The following CACNA1E variants were observed in gnomAD, a reference collection of about 807,000 sequenced individuals.
CACNA1E encodes the protein voltage-dependent R-type calcium channel subunit alpha-1E.
A neutral mutation model predicts 259.2 loss-of-function variants in CACNA1E; 40 were observed. The observed-to-expected ratio is 0.15, with a 90% CI of 0.12 to 0.20. The LOEUF (loss-of-function observed/expected upper bound fraction) is 0.20. CACNA1E is among the 10% of genes least tolerant of loss of function. The pLI is 1.00. For missense variants in CACNA1E, 1,874 were observed against 3,040.1 expected (o/e 0.62, Z 9.02); for synonymous variants, 1,104 against 1,138.5 (o/e 0.97, Z 0.61).
At chr1:181,735,005 T>A (rs1282605473) in intron 21 of CACNA1E, among the ~76,000 whole-genome samples, 5 of 152,242 alleles carry the variant, frequency 3.3e-5, no homozygotes, top group African/African-American at 1.2e-4. Context: ...ATTCCAGCCT[T>A]GCTGTTTTCC....
intron 1 of CACNA1E, among the ~76,000 whole-genome samples, chr1:181,502,775 C>T (rs930429211): frequency 6.6e-6 from 1 of 152,078 alleles, no homozygotes; most frequent in Non-Finnish European, 1.5e-5. Context: ...CTCGGCTCAC[C>T]ACAACCTCCA....
intron 3 of CACNA1E, among the ~76,000 whole-genome samples, chr1:181,522,842 C>T (rs568685518): frequency 3.7e-4 from 57 of 152,292 alleles, no homozygotes; most frequent in Admixed American, 1.1e-3. Flanking sequence ...ATGCTCACCC[C>T]GGTCTTTTCT....
At chr1:181,488,162 T>C (rs983231297) in intron 1 of CACNA1E, among the ~76,000 whole-genome samples, 1 of 152,246 alleles carries the variant, frequency 6.6e-6, no homozygotes, top group Admixed American at 6.5e-5. Context: ...AAAGTTTTAG[T>C]TCTTAAATCT....
At chr1:181,393,343 G>C (rs746297571) in intron 1 of CACNA1E, among the ~76,000 whole-genome samples, 1 of 152,196 alleles carries the variant, frequency 6.6e-6, no homozygotes, top group Non-Finnish European at 1.5e-5. Flanking sequence ...AAGGATTCAA[G>C]AATGTCTAGC....
At chr1:181,409,352 T>C (rs1657684749) in intron 1 of CACNA1E, among the ~76,000 whole-genome samples, 1 of 152,212 alleles carries the variant, frequency 6.6e-6, no homozygotes, top group South Asian at 2.1e-4. Flanking sequence ...AAGTAACATA[T>C]ATCACTTCCA....
intron 1 of CACNA1E, among the ~76,000 whole-genome samples, chr1:181,378,787 G>A (rs938273642): frequency 1.2e-4 from 19 of 152,178 alleles, no homozygotes; most frequent in African/African-American, 3.9e-4. Context: ...TCAGTAGTGG[G>A]GAAAAACTAT....
In CACNA1E at chr1:181,720,381, A is replaced by G. The variant is rs768854440; in HGVS notation, c.1883+44A>G. The G allele has an allele frequency of 7.5e-6, 12 of 1,591,846 alleles. No homozygotes were observed. In the Admixed American group the frequency reaches 8.8e-5, roughly 12 times the overall value. ...TCCATCCAAAGGAGGCTCAAAACCC[A>G]GTCGTAGCCTGTGTTGGGCTAGGGT... On this transcript the variant is annotated intron_variant, in intron 14 of 47. Transcript: ENST00000367573.
In CACNA1E at chr1:181,577,835, C is replaced by A; in HGVS notation, c.582C>A (p.Val194=). 3 of 1,611,768 alleles carry A rather than the reference C, an allele frequency of 1.9e-6. No homozygotes were observed. The highest frequency in any genetic ancestry group is 2.5e-6 in the Non-Finnish European group (3 of 1,178,978). The change falls in exon 4 of 48, where the codon GTC becomes GTA. Residue 194 remains valine, a synonymous_variant. Transcript: ENST00000367573. ...TGAGGACCCTCCGGGCTGTGCGTGTCCTGCGGCCTTTGAAGCTCGTGTCAG... is the reference window on the plus strand; with the variant it reads ...TGAGGACCCTCCGGGCTGTGCGTGTACTGCGGCCTTTGAAGCTCGTGTCAG... ...VDLRTLRAVR[V]LRPLKLVSGI...
intron 6 of CACNA1E, among the ~76,000 whole-genome samples, chr1:181,591,469 T>G (rs1652637812): frequency 6.6e-6 from 1 of 152,186 alleles, no homozygotes; most frequent in Non-Finnish European, 1.5e-5. Context: ...AAGACTGCAA[T>G]AGTCATCTAT....
intron 45 of CACNA1E, 95 bp from the exon 46 acceptor site, chr1:181,794,769 C>T (rs1661639858): frequency 1.7e-6 from 2 of 1,148,810 alleles, no homozygotes; most frequent in African/African-American, 1.6e-5. Flanking sequence ...TACAATTTGC[C>T]TTCCTTAACG....
At chr1:181,528,040 T>C (rs1667490950) in intron 3 of CACNA1E, among the ~76,000 whole-genome samples, 1 of 152,140 alleles carries the variant, frequency 6.6e-6, no homozygotes, top group Non-Finnish European at 1.5e-5. Flanking sequence ...TCTGTTTCAT[T>C]TTACTCCCCA....
intron 1 of CACNA1E, among the ~76,000 whole-genome samples, chr1:181,339,353 A>G (rs1255390799): frequency 6.6e-6 from 1 of 152,026 alleles, no homozygotes; most frequent in Non-Finnish European, 1.5e-5. Flanking sequence ...AATGTTATAT[A>G]GTTTTTAGTG....
intron 18 of CACNA1E, among the ~76,000 whole-genome samples, chr1:181,730,059 C>T (rs1655321911): frequency 6.6e-6 from 1 of 152,334 alleles, no homozygotes; most frequent in African/African-American, 2.4e-5. Context: ...TGGGTGGCCA[C>T]ACACATGTGC....
rs1009207573 is a variant in CACNA1E at position 181,732,995 on chromosome 1, A to G, written c.2909A>G (p.Glu970Gly). 6.2e-7 allele frequency: 1 copy of G among 1,612,094 alleles called. No homozygotes were observed. The highest frequency in any genetic ancestry group is 8.5e-7 in the Non-Finnish European group (1 of 1,179,048). Reference sequence around the variant, plus strand: ...CTCAGGGGCAACCATGGTGCCAAGGAGCCAACGATCCAAGAAGAGAGAGCC... The same window carrying G: ...CTCAGGGGCAACCATGGTGCCAAGGGGCCAACGATCCAAGAAGAGAGAGCC... ...HELRGNHGAK[E>G]PTIQEERAQD... Residue 970 changes from glutamate (E) to glycine (G), a missense_variant, in exon 20 of 48, where the codon GAG (glutamate) becomes GGG (glycine). This residue lies in a region of CACNA1E where 476 missense variants were observed against 514.0 expected (regional missense o/e 0.93). Transcript: ENST00000367573. This position sits in a 1 kb window ranked among gnomAD's most constrained non-coding sequence, Gnocchi z 5.5.
At chr1:181,592,416 G>C (rs1652745559) in intron 6 of CACNA1E, among the ~76,000 whole-genome samples, 1 of 148,388 alleles carries the variant, frequency 6.7e-6, no homozygotes, top group Non-Finnish European at 1.5e-5. Flanking sequence ...GTGAGCTGCT[G>C]TCCGCAGGGA....
At position 181,513,347 on chromosome 1, in the gene CACNA1E, T is replaced by A. The variant is rs76658934; in HGVS notation, c.512+1837T>A. On this transcript the variant is annotated intron_variant, in intron 3 of 47. Transcript: ENST00000367573. ...CTTTCTTCCCAATATAGTATGAGCA[T>A]ATTACATGTTATTGCATATTTTGGT... Among the ~76,000 whole-genome samples the A allele has an allele frequency of 1.8e-3, 268 of 152,352 alleles. 4 individuals are homozygous for A. The East Asian group carries it at 0.046, about 26-fold the overall frequency.
At chr1:181,493,001 T>C (rs1008123433) in intron 1 of CACNA1E, among the ~76,000 whole-genome samples, 1 of 152,174 alleles carries the variant, frequency 6.6e-6, no homozygotes, top group Admixed American at 6.5e-5. Context: ...CTAGATGGCA[T>C]CTAGATGACT....
At chr1:181,738,310 A>C in intron 23 of CACNA1E, 57 bp from the exon 24 acceptor site, 1 of 1,423,602 alleles carries the variant, frequency 7.0e-7, no homozygotes, top group Admixed American at 1.7e-5. Context: ...GTGGGAGCTC[A>C]TGTAGTAGCC....
intron 25 of CACNA1E, among the ~76,000 whole-genome samples, chr1:181,743,715 C>T (rs559808296): frequency 2.8e-3 from 428 of 152,330 alleles, no homozygotes; most frequent in Non-Finnish European, 4.9e-3. Flanking sequence ...TGCACTCCAA[C>T]CCAGGACTCT....
Sources: allele counts gnomAD v4.1 joint callset (sites outside exome capture counted in the v4.1 genomes callset), GRCh38; gene constraint gnomAD v4.1.1; regional missense constraint gnomAD v4.1.1; non-coding constraint Gnocchi (gnomAD v3.1); transcripts MANE v1.5; gene names NCBI Gene and HGNC (gene_info 2026-07-23, HGNC 2026-07-21).